Variants in RPS6KB1 observed in about 807,000 individuals in gnomAD.
RPS6KB1 encodes ribosomal protein S6 kinase B1, also known as ribosomal protein S6 kinase beta-1.
A neutral mutation model predicts 70.2 loss-of-function variants in RPS6KB1; 12 were observed. The ratio of observed to expected loss-of-function variants is 0.17; its 90% CI spans 0.11 to 0.28. RPS6KB1 has a LOEUF of 0.28. Among genes scored for constraint, RPS6KB1 ranks in the 10% least tolerant of loss-of-function variants. RPS6KB1 has a pLI of 1.00. For missense variants in RPS6KB1, 270 were observed against 646.6 expected, an observed-to-expected ratio of 0.42 and a Z score of 6.32; for synonymous variants, 175 against 211.2, an observed-to-expected ratio of 0.83 and a Z score of 1.49.
chr17:59,933,657 C>G (rs2044074000), intron 7 of RPS6KB1, among the ~76,000 whole-genome samples: 1 of 152,016 alleles, frequency 6.6e-6, no homozygotes, highest in Admixed American at 6.5e-5. Flanking sequence ...TCTTTCTTTC[C>G]CCTAATTGGT....
chr17:59,901,934 G>T (rs546219724), intron 1 of RPS6KB1, among the ~76,000 whole-genome samples: 4 of 148,322 alleles, frequency 2.7e-5, no homozygotes, highest in Non-Finnish European at 4.4e-5. Flanking sequence ...TTGGAGGATC[G>T]CTTGAGTCTC....
At chr17:59,914,918 T>C (rs1015775495) in intron 4 of RPS6KB1, among the ~76,000 whole-genome samples, 26 of 152,196 alleles carry the variant, frequency 1.7e-4, no homozygotes, top group Non-Finnish European at 3.5e-4. Flanking sequence ...TGCTTGAACT[T>C]AGGAGTTCAA....
At chr17:59,936,047 T>C (rs1349445760) in intron 10 of RPS6KB1, among the ~76,000 whole-genome samples, 168 bp from the exon 11 acceptor site, 3 of 152,038 alleles carry the variant, frequency 2.0e-5, no homozygotes, top group Non-Finnish European at 4.4e-5. Flanking sequence ...CCTCAGGTGA[T>C]CCACCTGCCT....
intron 13 of RPS6KB1, among the ~76,000 whole-genome samples, chr17:59,942,896 C>T (rs1381820118): frequency 6.6e-6 from 1 of 151,940 alleles, no homozygotes; most frequent in African/African-American, 2.4e-5. Flanking sequence ...AGGAGAATCA[C>T]TTGAACCCGG....
At chr17:59,937,925 C>T (rs879844949) in intron 12 of RPS6KB1, among the ~76,000 whole-genome samples, 9 of 152,028 alleles carry the variant, frequency 5.9e-5, no homozygotes, top group Non-Finnish European at 1.2e-4. Flanking sequence ...TTTTTCCATT[C>T]CTTAGGATGT....
At position 59,893,157 on chromosome 17, in the gene RPS6KB1, C is replaced by T. The variant is rs755153481; in HGVS notation, c.-28C>T. The T allele has an allele frequency of 1.9e-6, 3 of 1,600,872 alleles. No individual in the cohort carries two copies. The highest frequency in any genetic ancestry group is 1.3e-5 in the African/African-American group (1 of 74,964). On this transcript the variant is annotated 5_prime_UTR_variant, in exon 1 of 15. Coordinates refer to ENST00000225577, the MANE Select transcript of RPS6KB1 (RefSeq NM_003161.4). This position sits in a 1 kb window ranked among gnomAD's most constrained non-coding sequence, Gnocchi z 4.1. ...AAGCAGCCGGTGATGGCGGCAGCGG[C>T]TGTGGTGGCTGCGGCGGGTCCGGGC...
At chr17:59,943,763 G>C (rs531605657) in intron 13 of RPS6KB1, among the ~76,000 whole-genome samples, 3 of 151,164 alleles carry the variant, frequency 2.0e-5, no homozygotes, top group African/African-American at 7.3e-5. Flanking sequence ...CCAGCTACTC[G>C]GGAGGCTGAG....
intron 1 of RPS6KB1, among the ~76,000 whole-genome samples, chr17:59,896,194 A>T (rs897492498): frequency 3.5e-4 from 52 of 150,076 alleles, no homozygotes; most frequent in African/African-American, 1.3e-3. Context: ...ATTTTATTTT[A>T]TTTTTTTTTC....
intron 6 of RPS6KB1, chr17:59,931,227 GAATAACA>G (rs1466569323): frequency 9.9e-6 from 2 of 202,772 alleles, no homozygotes; most frequent in African/African-American, 4.8e-5. Context: ...TGATCTCTGA[GAATAACA>G]AAGTTCCTAT....
intron 13 of RPS6KB1, 110 bp downstream of exon 13, chr17:59,941,053 CT>C (rs11377635): frequency 0.26 from 119,522 of 464,418 alleles, 1,679 homozygotes; most frequent in South Asian, 0.28. Context: ...ACCTGGCCCA[CT>C]TTTTTTTTTT....
intron 12 of RPS6KB1, among the ~76,000 whole-genome samples, chr17:59,938,494 C>G (rs532963346): frequency 4.6e-5 from 7 of 151,506 alleles, no homozygotes; most frequent in Non-Finnish European, 1.0e-4. Context: ...TATAGATTCC[C>G]CTTGTGATTT....
rs1018293791 is a variant in RPS6KB1, at chr17:59,949,958, G to A, written c.*3170G>A. ...ATCTAAGATTATTCCCATGAGAAATGTTGAATTTATGAAGAATAGATTTTA... is the reference window on the plus strand; with the variant it reads ...ATCTAAGATTATTCCCATGAGAAATATTGAATTTATGAAGAATAGATTTTA... On this transcript the variant is annotated 3_prime_UTR_variant, in exon 15 of 15. Coordinates refer to ENST00000225577, the MANE Select transcript of RPS6KB1 (RefSeq NM_003161.4). 6.6e-6 allele frequency: 1 copy of A among 152,438 alleles called. No individual in the cohort carries two copies. Among genetic ancestry groups the A allele is most frequent in the African/African-American group, 2.4e-5 (1 of 41,424 alleles). 9.4% of individuals were successfully genotyped at this position (152,438 alleles called of 1,614,324 possible).
At chr17:59,910,342 A>G (rs1461338097) in intron 1 of RPS6KB1, among the ~76,000 whole-genome samples, 1 of 152,140 alleles carries the variant, frequency 6.6e-6, no homozygotes, top group Non-Finnish European at 1.5e-5. Flanking sequence ...CAACATAGAA[A>G]GACCTCATCT....
chr17:59,943,181 G>C (rs1292717765), intron 13 of RPS6KB1, among the ~76,000 whole-genome samples: 1 of 152,106 alleles, frequency 6.6e-6, no homozygotes, highest in Non-Finnish European at 1.5e-5. Context: ...TTAAATTCAA[G>C]TTTGATGTGT....
intron 12 of RPS6KB1, among the ~76,000 whole-genome samples, chr17:59,937,006 C>T (rs1479814389): frequency 1.3e-5 from 2 of 152,092 alleles, no homozygotes; most frequent in South Asian, 2.1e-4. Context: ...ACTACAGACA[C>T]GTGTCACCAT....
At chr17:59,926,094 G>C (rs2144917949) in intron 4 of RPS6KB1, among the ~76,000 whole-genome samples, 1 of 152,218 alleles carries the variant, frequency 6.6e-6, no homozygotes, top group East Asian at 1.9e-4. Context: ...AGACTCCTAT[G>C]GACAGGGCAT....
intron 4 of RPS6KB1, 103 bp downstream of exon 4, chr17:59,914,806 A>G: frequency 2.1e-6 from 2 of 964,614 alleles, no homozygotes; most frequent in Non-Finnish European, 3.2e-6. Flanking sequence ...AATTGTTGTA[A>G]CATTTTGGCC....
At chr17:59,935,343 C>T (rs1568484951) in intron 10 of RPS6KB1, 43 bp downstream of exon 10, 1 of 1,050,442 alleles carries the variant, frequency 9.5e-7, no homozygotes. Context: ...GATTCAATGA[C>T]TAGGATTTAA....
chr17:59,904,640 TGCCTCG>T (rs1373587361), intron 1 of RPS6KB1, among the ~76,000 whole-genome samples: 2 of 150,004 alleles, frequency 1.3e-5, no homozygotes, highest in African/African-American at 4.9e-5. Context: ...ATTATCCTCC[TGCCTCG>T]GCCTCCCAAA....
Sources: allele counts gnomAD v4.1 joint callset (sites outside exome capture counted in the v4.1 genomes callset), GRCh38; gene constraint gnomAD v4.1.1; non-coding constraint Gnocchi (gnomAD v3.1); transcripts MANE v1.5; gene names NCBI Gene and HGNC (gene_info 2026-07-23, HGNC 2026-07-21).